MAGI2: variants seen among roughly 807,000 people sequenced by gnomAD.
The protein encoded by MAGI2 is membrane associated guanylate kinase, WW and PDZ domain containing 2, also known as membrane-associated guanylate kinase, WW and PDZ domain-containing protein 2.
In MAGI2, 35 loss-of-function variants were observed where a neutral mutation model predicts 133.3. The ratio of observed to expected loss-of-function variants is 0.26; its 90% confidence interval spans 0.20 to 0.35. The LOEUF (loss-of-function observed/expected upper bound fraction) is 0.35, where lower values mean the gene tolerates loss of function less well. MAGI2 is among the 10% of genes least tolerant of loss of function. MAGI2 has a pLI of 1.00. For synonymous variants in MAGI2, 729 were observed against 710.6 expected, an observed-to-expected ratio of 1.03 and a Z score of -0.41; for missense variants, 1,636 against 1,863.4, an observed-to-expected ratio of 0.88 and a Z score of 2.25.
intron 10 of MAGI2, among the ~76,000 whole-genome samples, chr7:78,226,881 G>C (rs774568108): frequency 6.6e-6 from 1 of 152,200 alleles, no homozygotes; most frequent in Non-Finnish European, 1.5e-5. Context: ...AGGCTGAGGG[G>C]ACCATGGAAA....
At chr7:79,123,213 C>T (rs538713531) in intron 1 of MAGI2, among the ~76,000 whole-genome samples, 154 of 152,244 alleles carry the variant, frequency 1.0e-3, no homozygotes, top group African/African-American at 3.6e-3. Flanking sequence ...TGAATGAAAA[C>T]AGAACATCCT....
At chr7:79,418,352 C>A (rs1846689136) in intron 1 of MAGI2, among the ~76,000 whole-genome samples, 1 of 152,070 alleles carries the variant, frequency 6.6e-6, no homozygotes, top group African/African-American at 2.4e-5. Context: ...AAACTGGAGA[C>A]AAACTAATAA....
chr7:78,493,022 T>C (rs939477377), intron 5 of MAGI2, among the ~76,000 whole-genome samples: 3 of 152,196 alleles, frequency 2.0e-5, no homozygotes, highest in African/African-American at 7.2e-5. Flanking sequence ...GTCACTGTCA[T>C]ATTTAAAAAC....
intron 10 of MAGI2, among the ~76,000 whole-genome samples, chr7:78,245,319 G>A (rs1791647030): frequency 6.6e-6 from 1 of 152,126 alleles, no homozygotes; most frequent in Non-Finnish European, 1.5e-5. Context: ...ATTCCATGAG[G>A]AAAAGGACAT....
intron 9 of MAGI2, among the ~76,000 whole-genome samples, chr7:78,262,803 A>G (rs1399455136): frequency 6.6e-6 from 1 of 152,144 alleles, no homozygotes; most frequent in African/African-American, 2.4e-5. Flanking sequence ...TAGCTCTTGG[A>G]TAACTTTTAT....
At chr7:79,130,832 T>C (rs1820869374) in intron 1 of MAGI2, among the ~76,000 whole-genome samples, 3 of 152,202 alleles carry the variant, frequency 2.0e-5, no homozygotes, top group Admixed American at 2.0e-4. Context: ...CAGAAGTTAA[T>C]TAACCAAGCC....
At chr7:78,135,254 T>C (rs1563166794) in intron 16 of MAGI2, 48 bp from the exon 17 acceptor site, 1 of 1,461,702 alleles carries the variant, frequency 6.8e-7, no homozygotes, top group Non-Finnish European at 9.6e-7. Flanking sequence ...CACCAATACA[T>C]GTTCTTTCAG....
intron 2 of MAGI2, among the ~76,000 whole-genome samples, chr7:78,675,385 G>A (rs933585529): frequency 1.3e-5 from 2 of 151,888 alleles, no homozygotes; most frequent in East Asian, 1.9e-4. Context: ...GGTAAGCAGA[G>A]GTAAGAGGAG....
rs527517059 is a variant in MAGI2 at position 78,557,192 on chromosome 7, C to T, written c.539-35547G>A. Among the ~76,000 whole-genome samples, 11 of 151,872 alleles carry T rather than the reference C, an allele frequency of 7.2e-5. No individual in the cohort carries two copies. The South Asian group carries it at 2.3e-3, about 32-fold the overall frequency. On this transcript the variant is annotated intron_variant, in intron 3 of 21. Transcript: ENST00000354212. ...TACACACAAAATAAGATTTTGGTTTCCTAACTCAGTGATGTGAGTTTTACC... is the reference window on the plus strand; with the variant it reads ...TACACACAAAATAAGATTTTGGTTTTCTAACTCAGTGATGTGAGTTTTACC...
chr7:78,513,102 C>T (rs1795744090), intron 4 of MAGI2, among the ~76,000 whole-genome samples: 2 of 152,006 alleles, frequency 1.3e-5, no homozygotes, highest in Admixed American at 6.5e-5. Flanking sequence ...GCACATACAA[C>T]ATTTCTTAGA....
chr7:78,075,379 T>TG (rs1045995586), intron 21 of MAGI2, among the ~76,000 whole-genome samples: 1 of 149,140 alleles, frequency 6.7e-6, no homozygotes, highest in African/African-American at 2.5e-5. Flanking sequence ...AATAAATCTT[T>TG]TTTTTTTTTT....
chr7:78,536,919 T>G (rs57421061), intron 3 of MAGI2, among the ~76,000 whole-genome samples: 5,011 of 152,188 alleles, frequency 0.033, 108 homozygotes, highest in African/African-American at 0.057. Flanking sequence ...ACCTATGCAG[T>G]GTACTCTGTA....
intron 6 of MAGI2, among the ~76,000 whole-genome samples, chr7:78,466,588 C>T (rs1365875806): frequency 6.6e-6 from 1 of 152,140 alleles, no homozygotes; most frequent in African/African-American, 2.4e-5. Context: ...CTCTACTTGC[C>T]TTTTGTGCTT....
At chr7:78,485,741 G>T (rs901632968) in intron 6 of MAGI2, 1 of 151,872 alleles carries the variant, frequency 6.6e-6, no homozygotes, top group African/African-American at 2.4e-5. Context: ...TAAATAGTAA[G>T]CACACATATA....
intron 21 of MAGI2, among the ~76,000 whole-genome samples, chr7:78,057,060 T>TTATATA (rs59064919): frequency 1.2e-3 from 168 of 145,902 alleles, no homozygotes; most frequent in Middle Eastern, 0.011. Flanking sequence ...TATATATAAA[T>TTATATA]TATATATATA....
At position 79,001,762 on chromosome 7, in the gene MAGI2, T is replaced by A. The variant is rs147390060; in HGVS notation, c.418+5328A>T. The stretch of plus-strand genomic sequence containing the variant: ...AATTCTATTAATTTCTTTCATATAT[T>A]TTCGAATCCATATTACCCAAGAGAC... On this transcript the variant is annotated intron_variant, in intron 2 of 21. Transcript: ENST00000354212. 1.8e-3 allele frequency among the ~76,000 whole-genome samples: 269 copies of A among 152,282 alleles called. 2 individuals are homozygous for A. The highest frequency in any genetic ancestry group is 6.2e-3 in the African/African-American group (258 of 41,574).
intron 2 of MAGI2, among the ~76,000 whole-genome samples, chr7:78,734,752 A>C (rs538730154): frequency 2.0e-3 from 303 of 152,294 alleles, no homozygotes; most frequent in Middle Eastern, 3.4e-3. Context: ...GATGAAAAAC[A>C]CGTGGGGGCA....
intron 3 of MAGI2, among the ~76,000 whole-genome samples, chr7:78,528,884 C>G (rs1797202479): frequency 6.6e-6 from 1 of 151,970 alleles, no homozygotes; most frequent in Non-Finnish European, 1.5e-5. Flanking sequence ...AGCATTTTGT[C>G]ATCAATACTT....
Position 78,772,405 on chromosome 7 carries a change from G to A in MAGI2, c.419-145166C>T, listed in dbSNP as rs375263372. Among the ~76,000 whole-genome samples the A allele has an allele frequency of 3.3e-5, 5 of 152,132 alleles. No individual in the cohort carries two copies. The East Asian group carries it at 9.6e-4, about 29-fold the overall frequency. ...ATTTGGCATTTGGTGTTCTGTCCAC[G>A]GATTCTTAATTCAGGAGCATGATGA... is the stretch of plus-strand genomic sequence containing the variant. On this transcript the variant is annotated intron_variant, in intron 2 of 21. Transcript: ENST00000354212.
Sources: gnomAD v4.1 joint callset for allele counts (sites outside exome capture counted in the v4.1 genomes callset) on GRCh38, gnomAD v4.1.1 for gene constraint, MANE v1.5 for transcripts, NCBI Gene and HGNC (gene_info 2026-07-23, HGNC 2026-07-21) for gene names.